The following GTF2F2 variants were observed in gnomAD, a reference collection of about 807,000 sequenced individuals.
GTF2F2 encodes the protein ATP-dependent helicase GTF2F2.
GTF2F2 carries 23 observed loss-of-function variants against 42.2 expected under a neutral mutation model. The ratio of observed to expected loss-of-function variants is 0.55; its 90% CI spans 0.39 to 0.77. The LOEUF is 0.77. Among genes scored for constraint, GTF2F2 ranks in the 30% least tolerant of loss-of-function variants. The probability of loss-of-function intolerance (pLI) is 0.00; values close to 1 mark genes in which losing one functional copy is unlikely to be tolerated. For missense variants in GTF2F2, 261 were observed against 287.2 expected, an observed-to-expected ratio of 0.91 and a Z score of 0.66; for synonymous variants, 105 against 100.8, an observed-to-expected ratio of 1.04 and a Z score of -0.25.
At chr13:45,279,185 A>G (rs186826887) in intron 7 of GTF2F2, among the ~76,000 whole-genome samples, 80 of 152,258 alleles carry the variant, frequency 5.3e-4, no homozygotes, top group Admixed American at 1.2e-3. Context: ...CTCTGAGAGG[A>G]AGACTGAGTG....
chr13:45,246,341 C>T (rs1307632263), intron 5 of GTF2F2, among the ~76,000 whole-genome samples: 1 of 152,048 alleles, frequency 6.6e-6, no homozygotes, highest in African/African-American at 2.4e-5. Flanking sequence ...TATAGCCATT[C>T]TTGGAGGAGT....
intron 1 of GTF2F2, among the ~76,000 whole-genome samples, chr13:45,128,563 A>G (rs1869168718): frequency 6.6e-6 from 1 of 150,644 alleles, no homozygotes; most frequent in African/African-American, 2.4e-5. Flanking sequence ...ACACAGTGAG[A>G]CTCCGTCTCA....
chr13:45,203,214 C>T (rs1410391106), intron 4 of GTF2F2, among the ~76,000 whole-genome samples: 3 of 150,986 alleles, frequency 2.0e-5, no homozygotes, highest in Non-Finnish European at 2.9e-5. Flanking sequence ...ATAGCTAGGA[C>T]TACAGGCATG....
At chr13:45,238,014 C>T (rs915625673) in intron 5 of GTF2F2, among the ~76,000 whole-genome samples, 29 of 152,120 alleles carry the variant, frequency 1.9e-4, no homozygotes, top group African/African-American at 5.8e-4. Flanking sequence ...AGTGCAGTGG[C>T]GTCATCTCAG....
intron 5 of GTF2F2, among the ~76,000 whole-genome samples, chr13:45,210,244 C>T (rs1873577990): frequency 6.6e-6 from 1 of 152,172 alleles, no homozygotes; most frequent in Admixed American, 6.5e-5. Flanking sequence ...TCTTGCCATC[C>T]TCATCTTTTT....
chr13:45,228,614 A>C (rs143791853), intron 5 of GTF2F2, among the ~76,000 whole-genome samples: 21 of 149,890 alleles, frequency 1.4e-4, no homozygotes, highest in African/African-American at 5.2e-4. Flanking sequence ...TGTTCTCCCT[A>C]AACACTAGTC....
intron 2 of GTF2F2, among the ~76,000 whole-genome samples, chr13:45,144,784 A>T (rs1870112476): frequency 6.6e-6 from 1 of 152,126 alleles, no homozygotes; most frequent in Non-Finnish European, 1.5e-5. Context: ...AAAGTATGGA[A>T]ACAAAAAATT....
intron 4 of GTF2F2, among the ~76,000 whole-genome samples, chr13:45,178,816 A>G (rs1026429792): frequency 6.6e-6 from 1 of 152,136 alleles, no homozygotes; most frequent in African/African-American, 2.4e-5. Flanking sequence ...AGTTGGCTGG[A>G]TTAAGCTGGG....
intron 5 of GTF2F2, among the ~76,000 whole-genome samples, chr13:45,252,648 T>C (rs999221821): frequency 1.3e-5 from 2 of 152,198 alleles, no homozygotes; most frequent in African/African-American, 2.4e-5. Flanking sequence ...AAAAGTACAT[T>C]GTGGCATTAT....
intron 4 of GTF2F2, among the ~76,000 whole-genome samples, chr13:45,186,973 A>T (rs1872452744): frequency 6.6e-6 from 1 of 152,244 alleles, no homozygotes; most frequent in African/African-American, 2.4e-5. Flanking sequence ...TAAAATTACT[A>T]TTAAAACTTG....
At chr13:45,269,401 G>T (rs1304544173) in intron 7 of GTF2F2, among the ~76,000 whole-genome samples, 1 of 152,194 alleles carries the variant, frequency 6.6e-6, no homozygotes, top group Non-Finnish European at 1.5e-5. Flanking sequence ...CTGGGGGTAG[G>T]CCAGAGGTAG....
chr13:45,198,501 T>C (rs1040816733), intron 4 of GTF2F2, among the ~76,000 whole-genome samples: 3 of 152,222 alleles, frequency 2.0e-5, no homozygotes, highest in Non-Finnish European at 4.4e-5. Context: ...AAGCTGCGTT[T>C]GATAAGAACA....
intron 7 of GTF2F2, among the ~76,000 whole-genome samples, chr13:45,278,554 CCT>C (rs1877124491): frequency 6.6e-6 from 1 of 152,152 alleles, no homozygotes; most frequent in African/African-American, 2.4e-5. Flanking sequence ...GTTCTAGAAT[CCT>C]CTGTTTCAAA....
intron 6 of GTF2F2, among the ~76,000 whole-genome samples, chr13:45,253,477 T>G (rs1390677333): frequency 1.3e-5 from 2 of 152,326 alleles, no homozygotes; most frequent in Non-Finnish European, 2.9e-5. Context: ...CATACTACCA[T>G]GCAAAGTGAG....
intron 1 of GTF2F2, among the ~76,000 whole-genome samples, chr13:45,121,661 T>C (rs1238728027): frequency 6.6e-6 from 1 of 152,198 alleles, no homozygotes; most frequent in Admixed American, 6.5e-5. Context: ...ACCTCTGTCT[T>C]TCCAACACAC....
At chr13:45,228,722 G>T (rs1056214753) in intron 5 of GTF2F2, among the ~76,000 whole-genome samples, 9 of 142,954 alleles carry the variant, frequency 6.3e-5, no homozygotes, top group African/African-American at 2.3e-4. Context: ...CCAGGCTGGA[G>T]TGCAACGGCA....
At chr13:45,151,901 C>A in intron 4 of GTF2F2, 70 bp downstream of exon 4, 4 of 473,364 alleles carry the variant, frequency 8.5e-6, no homozygotes, top group Admixed American at 3.3e-5. Context: ...TCAACATACA[C>A]TCCTATTTGC....
chr13:45,198,123 T>C (rs1872994804), intron 4 of GTF2F2, among the ~76,000 whole-genome samples: 1 of 152,242 alleles, frequency 6.6e-6, no homozygotes, highest in African/African-American at 2.4e-5. Flanking sequence ...TATGAGTATA[T>C]CCTATAGTTA....
At chr13:45,147,398 G>A (rs7995168) in intron 2 of GTF2F2, among the ~76,000 whole-genome samples, 15,873 of 152,100 alleles carry the variant, frequency 0.1, 2,221 homozygotes, top group African/African-American at 0.32. Context: ...GCCTTAAACA[G>A]GTAGCTAAAT....
Sources: gnomAD v4.1 joint callset for allele counts (sites outside exome capture counted in the v4.1 genomes callset) on GRCh38, gnomAD v4.1.1 for gene constraint, MANE v1.5 for transcripts, NCBI Gene and HGNC (gene_info 2026-07-23, HGNC 2026-07-21) for gene names.